MINDY2: variants seen among roughly 807,000 people sequenced by gnomAD.
MINDY2 encodes ubiquitin carboxyl-terminal hydrolase MINDY-2.
Under a neutral mutation model 68.2 loss-of-function variants are expected in MINDY2, and 52 were observed. The ratio of observed to expected loss-of-function variants is 0.76; its 90% CI spans 0.61 to 0.96. The LOEUF (loss-of-function observed/expected upper bound fraction) is 0.96. Among genes scored for constraint, MINDY2 ranks in the 40% least tolerant of loss-of-function variants. The probability of loss-of-function intolerance (pLI) is 0.00; values close to 1 mark genes in which losing one functional copy is unlikely to be tolerated. For synonymous variants in MINDY2, 372 were observed against 303.0 expected, an observed-to-expected ratio of 1.23 and a Z score of -2.36; for missense variants, 881 against 773.4, an observed-to-expected ratio of 1.14 and a Z score of -1.65.
intron 1 of MINDY2, among the ~76,000 whole-genome samples, chr15:58,778,810 C>CTTTTTT (rs1182523003): frequency 3.1e-4 from 36 of 114,324 alleles, no homozygotes; most frequent in East Asian, 8.3e-4. Flanking sequence ...TTCTTTTTTT[C>CTTTTTT]TTTTTTTTTT....
intron 6 of MINDY2, among the ~76,000 whole-genome samples, chr15:58,840,627 A>ACTT (rs1311746865): frequency 5.5e-5 from 7 of 127,786 alleles, no homozygotes; most frequent in South Asian, 2.6e-4. Context: ...CTATTTATTT[A>ACTT]CTTATTATTA....
chr15:58,787,131 A>G (rs1357387802), intron 1 of MINDY2, among the ~76,000 whole-genome samples: 7 of 110,696 alleles, frequency 6.3e-5, no homozygotes, highest in Non-Finnish European at 1.3e-4. Flanking sequence ...TGCCCAGCCC[A>G]TTTCTTTACT....
At position 58,847,351 on chromosome 15, in the gene MINDY2, GT is replaced by G; in HGVS notation, c.1426del (p.Trp476GlyfsTer7). Reference protein sequence around the residue: ...DQGFLTEEKVVWESLHNVDGD... With the variant: ...DQGFLTEEKVXWESLHNVDGD... ...GGGGTTTCTTACTGAAGAGAAAGTT[GT>G]TTGGGAAAGCCTACACAACGTAGAT... On this transcript the variant is annotated frameshift_variant, in exon 7 of 9. Transcript: ENST00000559228. LOFTEE classifies it high-confidence loss of function. The G allele has an allele frequency of 3.7e-6, 6 of 1,602,150 alleles. No individual in the cohort carries two copies. Among genetic ancestry groups the G allele is most frequent in the Non-Finnish European group, 5.1e-6 (6 of 1,170,990 alleles).
chr15:58,791,220 T>TATATATATATATATATAC lies in MINDY2; in HGVS notation c.898+3274_898+3275insCATATATATATATATATA, dbSNP rs1253991404. 9.7e-4 allele frequency among the ~76,000 whole-genome samples: 17 copies of TATATATATATATATATAC among 17,442 alleles called. 1 individual carries two copies. In the South Asian group the frequency reaches 0.042, roughly 44 times the overall value. The allele number at this position is 17,442 out of a possible 152,430, so 11.4% of individuals were successfully genotyped here. On this transcript the variant is annotated intron_variant, in intron 2 of 8. Transcript: ENST00000559228. ...GAGCCATCAGGAAAGCAATTTTATA[T>TATATATATATATATATAC]ATATATATATATATATATATATATA...
At position 58,854,689 on chromosome 15, in the gene MINDY2, A is replaced by G. The variant is rs1246993107; in HGVS notation, c.*79A>G. 2.2e-5 allele frequency: 32 copies of G among 1,480,202 alleles called. No individual in the cohort carries two copies. The highest frequency in any genetic ancestry group is 2.8e-5 in the African/African-American group (2 of 71,310). 91.7% of individuals were successfully genotyped at this position (1,480,202 alleles called of 1,614,324 possible). On this transcript the variant is annotated 3_prime_UTR_variant, in exon 9 of 9. Coordinates refer to ENST00000559228, the MANE Select transcript of MINDY2 (RefSeq NM_001040450.3). Reference sequence around the variant, plus strand: ...GGAGGAAAGGAAGAAAAACCGATCAATACCGTCTGTGCCTGATTTCCTAAT... The same window carrying G: ...GGAGGAAAGGAAGAAAAACCGATCAGTACCGTCTGTGCCTGATTTCCTAAT...
At chr15:58,827,728 AG>A (rs2031488215) in intron 5 of MINDY2, among the ~76,000 whole-genome samples, 2 of 152,094 alleles carry the variant, frequency 1.3e-5, no homozygotes, top group African/African-American at 4.8e-5. Flanking sequence ...CCGGGATTAC[AG>A]GCATGAGCCA....
intron 3 of MINDY2, among the ~76,000 whole-genome samples, chr15:58,805,154 A>T (rs771083598): frequency 1.3e-5 from 2 of 152,226 alleles, no homozygotes; most frequent in African/African-American, 4.8e-5. Context: ...CATATCAGGC[A>T]AAAAGTACCC....
At chr15:58,791,534 T>C (rs1595714108) in intron 2 of MINDY2, among the ~76,000 whole-genome samples, 2 of 150,852 alleles carry the variant, frequency 1.3e-5, no homozygotes, top group South Asian at 4.2e-4. Flanking sequence ...GGAGGATTGC[T>C]TGGGCCTGGG....
intron 6 of MINDY2, among the ~76,000 whole-genome samples, chr15:58,832,480 A>G (rs1243733502): frequency 6.6e-6 from 1 of 150,608 alleles, no homozygotes; most frequent in African/African-American, 2.4e-5. Flanking sequence ...CGCCCGCCTC[A>G]GCCTCCCAAA....
chr15:58,832,005 A>G, intron 6 of MINDY2, 89 bp downstream of exon 6: 2 of 1,163,818 alleles, frequency 1.7e-6, no homozygotes, highest in South Asian at 3.6e-5. Context: ...TAAATAAAAG[A>G]TTTTAGCGTA....
chr15:58,831,281 A>C (rs1482876704), intron 5 of MINDY2, among the ~76,000 whole-genome samples: 5 of 152,116 alleles, frequency 3.3e-5, no homozygotes, highest in African/African-American at 1.2e-4. Flanking sequence ...AGAATTGAGA[A>C]GTTTACAACT....
At chr15:58,839,455 C>T (rs557090411) in intron 6 of MINDY2, among the ~76,000 whole-genome samples, 4 of 152,170 alleles carry the variant, frequency 2.6e-5, no homozygotes, top group African/African-American at 4.8e-5. Context: ...CCTCAGCCCC[C>T]GGAGTAGCTG....
At chr15:58,807,652 T>C (rs145608736) in intron 3 of MINDY2, among the ~76,000 whole-genome samples, 4,933 of 152,224 alleles carry the variant, frequency 0.032, 281 homozygotes, top group African/African-American at 0.11. Flanking sequence ...CGTGAGCCAT[T>C]GCGCCCGGCC....
intron 5 of MINDY2, 78 bp from the exon 6 acceptor site, chr15:58,831,696 C>A: frequency 7.5e-7 from 1 of 1,328,222 alleles, no homozygotes; most frequent in Non-Finnish European, 1.0e-6. Flanking sequence ...ATACTTGGAA[C>A]ACACTTTAAA....
intron 3 of MINDY2, among the ~76,000 whole-genome samples, chr15:58,802,824 A>T (rs1264018500): frequency 6.6e-6 from 1 of 152,184 alleles, no homozygotes; most frequent in East Asian, 1.9e-4. Flanking sequence ...TAGTTTCAGT[A>T]TCCACATTTC....
In MINDY2 at chr15:58,810,569, C is replaced by T. The variant is rs73428515; in HGVS notation, c.1122+181C>T. Among the ~76,000 whole-genome samples, 800 of 152,166 alleles carry T rather than the reference C, an allele frequency of 5.3e-3. 9 individuals are homozygous for T. Among genetic ancestry groups the T allele is most frequent in the African/African-American group, 0.018 (767 of 41,506 alleles). ...TACTAAGTCTGCCCAAGGCTTCTGA[C>T]CCCAACTCTAAGGAGCTAGGGCCCA... On this transcript the variant is annotated intron_variant, in intron 4 of 8. Coordinates refer to ENST00000559228, the MANE Select transcript of MINDY2 (RefSeq NM_001040450.3).
rs1345305701 is a variant in MINDY2, at chr15:58,858,333, C to A, written c.*3723C>A. On this transcript the variant is annotated 3_prime_UTR_variant, in exon 9 of 9. Transcript: ENST00000559228. The stretch of plus-strand genomic sequence containing the variant: ...CAAATTCTTTATCATATTTCAAGTT[C>A]TTTCTCATACTTCTTGATCTTGGCT... The A allele has an allele frequency of 6.6e-6, 1 of 152,122 alleles. No individual in the cohort carries two copies. Among genetic ancestry groups the A allele is most frequent in the African/African-American group, 2.4e-5 (1 of 41,446 alleles). The allele number at this position is 152,122 out of a possible 1,614,324, so 9.4% of individuals were successfully genotyped here. A position where few individuals can be genotyped will look rare whatever the true frequency, so the allele number is the denominator to read the frequency against.
chr15:58,843,863 A>G (rs567600687), intron 6 of MINDY2, among the ~76,000 whole-genome samples: 154 of 151,496 alleles, frequency 1.0e-3, no homozygotes, highest in Non-Finnish European at 1.6e-3. Flanking sequence ...AAATCCTGAC[A>G]ATATCATCAC....
In MINDY2 at chr15:58,772,228, C is replaced by T. The variant is rs1900481490; in HGVS notation, c.833C>T (p.Ala278Val). ...LLAILNVLLL[A>V]WKVKLPPMME... is the part of the protein sequence containing the mutation. ...GCCATCCTCAATGTTTTGCTCCTGG[C>T]CTGGAAGGTACATTCTGCAGCTTTC... The change falls in exon 1 of 9, where the codon GCC becomes GTC. Residue 278 changes from alanine to valine, a missense_variant. Ala to Val is a moderately conservative substitution (Grantham distance 64). Coordinates refer to ENST00000559228, the MANE Select transcript of MINDY2 (RefSeq NM_001040450.3). 1.2e-6 allele frequency: 2 copies of T among 1,610,720 alleles called. No individual in the cohort carries two copies. The highest frequency in any genetic ancestry group is 1.7e-6 in the Non-Finnish European group (2 of 1,179,972).
Sources: gnomAD v4.1 joint callset for allele counts (sites outside exome capture counted in the v4.1 genomes callset) on GRCh38, gnomAD v4.1.1 for gene constraint, MANE v1.5 for transcripts, NCBI Gene and HGNC (gene_info 2026-07-23, HGNC 2026-07-21) for gene names.